The following KMT2C variants were observed in gnomAD, a reference collection of about 807,000 sequenced individuals.
KMT2C encodes lysine methyltransferase 2C.
KMT2C carries 88 observed loss-of-function variants against 507.9 expected under a neutral mutation model. The observed-to-expected ratio is 0.17, with a 90% CI of 0.15 to 0.21. KMT2C has a LOEUF of 0.21. Ranked by LOEUF, KMT2C falls within the 10% of genes least tolerant of loss-of-function variation. KMT2C has a pLI of 1.00. For missense variants in KMT2C, 4,954 were observed against 5,957.8 expected, an observed-to-expected ratio of 0.83 and a Z score of 5.55; for synonymous variants, 2,049 against 2,080.8, an observed-to-expected ratio of 0.98 and a Z score of 0.42.
intron 2 of KMT2C, among the ~76,000 whole-genome samples, chr7:152,351,195 A>T (rs1451889865): frequency 1.3e-5 from 2 of 152,222 alleles, no homozygotes; most frequent in African/African-American, 4.8e-5. Flanking sequence ...ACTCCAAAAT[A>T]ATGATAAAAA....
intron 6 of KMT2C, among the ~76,000 whole-genome samples, chr7:152,279,381 C>A (rs1163981267): frequency 1.3e-5 from 2 of 152,050 alleles, no homozygotes; most frequent in Non-Finnish European, 1.5e-5. Context: ...ATAAATAATG[C>A]CCAATTCAAA....
intron 16 of KMT2C, among the ~76,000 whole-genome samples, chr7:152,231,616 A>C (rs1244329107): frequency 6.6e-6 from 1 of 152,180 alleles, no homozygotes; most frequent in Non-Finnish European, 1.5e-5. Context: ...TCCTGTCTCT[A>C]CCAAAAATAC....
At chr7:152,243,452 C>T (rs2095419648) in intron 14 of KMT2C, among the ~76,000 whole-genome samples, 1 of 152,126 alleles carries the variant, frequency 6.6e-6, no homozygotes, top group Admixed American at 6.5e-5. Context: ...TATCAAAATA[C>T]AGTACCTATG....
intron 56 of KMT2C, 39 bp downstream of exon 56, chr7:152,139,636 A>T: frequency 7.6e-7 from 1 of 1,318,966 alleles, no homozygotes; most frequent in Non-Finnish European, 1.1e-6. Context: ...GGAGAGGATG[A>T]TGGTGCTGTG....
At chr7:152,182,679 A>G in intron 35 of KMT2C, 85 bp from the exon 36 acceptor site, 1 of 1,243,862 alleles carries the variant, frequency 8.0e-7, no homozygotes, top group Admixed American at 2.4e-5. Flanking sequence ...ACAGAAAGTT[A>G]ATTTGTTTGA....
At chr7:152,282,874 GT>G (rs2096243852) in intron 6 of KMT2C, among the ~76,000 whole-genome samples, 1 of 151,808 alleles carries the variant, frequency 6.6e-6, no homozygotes, top group African/African-American at 2.4e-5. Flanking sequence ...GAAAAATTAA[GT>G]TTTTTCTAGA....
chr7:152,201,287 G>A (rs1588151724), intron 26 of KMT2C, among the ~76,000 whole-genome samples: 3 of 123,134 alleles, frequency 2.4e-5, no homozygotes, highest in Non-Finnish European at 5.0e-5. Flanking sequence ...CACACATACA[G>A]ACACAGACAC....
intron 1 of KMT2C, chr7:152,368,032 T>C (rs1389423810): frequency 5.9e-6 from 5 of 849,948 alleles, no homozygotes; most frequent in Non-Finnish European, 1.0e-5. Context: ...TTTCCAGAAA[T>C]AGATGATGAA....
At chr7:152,331,846 A>C (rs1423761315) in intron 2 of KMT2C, among the ~76,000 whole-genome samples, 4 of 151,494 alleles carry the variant, frequency 2.6e-5, no homozygotes, top group African/African-American at 9.7e-5. Flanking sequence ...ACTGGGTTTC[A>C]CCACGTTGGC....
Position 152,149,049 on chromosome 7 carries a change from G to A in KMT2C, c.12878C>T (p.Pro4293Leu), listed in dbSNP as rs1262434341. Reference protein sequence around the residue: ...NISTLDVHCLPQLPEKASPPA... With the variant: ...NISTLDVHCLLQLPEKASPPA... ...GGGAGAAGCTTTCTCTGGGAGCTGG[G>A]GGAGACAGTGCACATCCAAAGTGGA... Residue 4293 changes from proline (P) to leucine (L), a missense_variant, in exon 52 of 59, where the codon CCC becomes CTC. Coordinates refer to ENST00000262189, the MANE Select transcript of KMT2C (RefSeq NM_170606.3). The A allele has an allele frequency of 3.9e-6, 6 of 1,532,036 alleles. No individual in the cohort carries two copies. Among genetic ancestry groups the A allele is most frequent in the Non-Finnish European group, 4.4e-6 (5 of 1,144,428 alleles). The allele number at this position is 1,532,036 out of a possible 1,614,324, so 94.9% of individuals were successfully genotyped here. A position where few individuals can be genotyped will look rare whatever the true frequency, so the allele number is the denominator to read the frequency against.
intron 51 of KMT2C, 121 bp from the exon 52 acceptor site, chr7:152,149,273 G>T: frequency 3.4e-6 from 3 of 891,102 alleles, no homozygotes; most frequent in East Asian, 2.9e-5. Context: ...AGGGGCAGAG[G>T]GAGAGTCAGC....
chr7:152,339,878 AATAAT>A (rs1341460129), intron 2 of KMT2C, among the ~76,000 whole-genome samples: 1 of 152,202 alleles, frequency 6.6e-6, no homozygotes, highest in Non-Finnish European at 1.5e-5. Context: ...CACAGAGAAA[AATAAT>A]ATATTTAAAA....
intron 10 of KMT2C, 37 bp from the exon 11 acceptor site, chr7:152,252,127 C>CATCGAGTTATTATCTAGGTAAA (rs2095571776): frequency 6.7e-7 from 1 of 1,482,518 alleles, no homozygotes; most frequent in Non-Finnish European, 9.2e-7. Flanking sequence ...AAATTTCTAA[C>CATCGAGTTATTATCTAGGTAAA]ATCGAGTTAT....
At chr7:152,315,558 A>G (rs185816314) in intron 3 of KMT2C, among the ~76,000 whole-genome samples, 1 of 152,388 alleles carries the variant, frequency 6.6e-6, no homozygotes, top group Admixed American at 6.5e-5. Context: ...TTTAAAAAGT[A>G]GTACACATAT....
chr7:152,282,575 A>G (rs1479539572), intron 6 of KMT2C, among the ~76,000 whole-genome samples: 1 of 152,184 alleles, frequency 6.6e-6, no homozygotes, highest in African/African-American at 2.4e-5. Context: ...GACAGAAAAC[A>G]GTACTTAGTA....
intron 1 of KMT2C, among the ~76,000 whole-genome samples, chr7:152,417,065 AAAAG>A (rs1304826305): frequency 6.7e-6 from 1 of 149,830 alleles, no homozygotes; most frequent in African/African-American, 2.5e-5. Flanking sequence ...AAAAAAAAAA[AAAAG>A]AGTTTATATT....
intron 1 of KMT2C, among the ~76,000 whole-genome samples, chr7:152,374,375 A>T (rs2097313068): frequency 6.6e-6 from 1 of 151,942 alleles, no homozygotes; most frequent in Admixed American, 6.6e-5. Flanking sequence ...TTTAAAAATA[A>T]TAATTTTTAA....
At chr7:152,338,933 A>G (rs964831096) in intron 2 of KMT2C, among the ~76,000 whole-genome samples, 1 of 152,240 alleles carries the variant, frequency 6.6e-6, no homozygotes, top group Admixed American at 6.5e-5. Flanking sequence ...AAAATTATGA[A>G]GTGGACAGAA....
In KMT2C at chr7:152,435,919, G is replaced by A. The variant is rs1465256590; in HGVS notation, c.-133C>T. On this transcript the variant is annotated 5_prime_UTR_variant, in exon 1 of 59. Transcript: ENST00000262189. ...AGCCTCTCGCATTTCCCGCAGCCCC[G>A]GGAGCAGCAGCAGGTACCGGGAGAG... is the stretch of plus-strand genomic sequence containing the variant. 2 of 975,840 alleles carry A rather than the reference G, an allele frequency of 2.0e-6. No individual in the cohort carries two copies. The highest frequency in any genetic ancestry group is 3.8e-5 in the Admixed American group (1 of 26,536). The allele number at this position is 975,840 out of a possible 1,614,324, so 60.4% of individuals were successfully genotyped here.
Sources: gnomAD v4.1 joint callset for allele counts (sites outside exome capture counted in the v4.1 genomes callset) on GRCh38, gnomAD v4.1.1 for gene constraint, MANE v1.5 for transcripts, NCBI Gene and HGNC (gene_info 2026-07-23, HGNC 2026-07-21) for gene names.